SRBD1: variants seen among roughly 807,000 people sequenced by gnomAD.
SRBD1 encodes S1 RNA-binding domain-containing protein 1.
A neutral mutation model predicts 115.3 loss-of-function variants in SRBD1; 88 were observed. The ratio of observed to expected loss-of-function variants is 0.76; its 90% CI spans 0.64 to 0.91. The LOEUF is 0.91. Among genes scored for constraint, SRBD1 ranks in the 40% least tolerant of loss-of-function variants. The probability of loss-of-function intolerance (pLI) is 0.00; values close to 1 mark genes in which losing one functional copy is unlikely to be tolerated. For missense variants in SRBD1, 1,385 were observed against 1,177.4 expected, an observed-to-expected ratio of 1.18 and a Z score of -2.58; for synonymous variants, 509 against 407.7, an observed-to-expected ratio of 1.25 and a Z score of -2.99.
At chr2:45,531,733 C>A (rs1671618075) in intron 14 of SRBD1, among the ~76,000 whole-genome samples, 1 of 151,786 alleles carries the variant, frequency 6.6e-6, no homozygotes, top group South Asian at 2.1e-4. Context: ...CAGACAACAG[C>A]CTCTAAAACA....
intron 14 of SRBD1, among the ~76,000 whole-genome samples, chr2:45,540,186 C>CA (rs1282770722): frequency 1.3e-5 from 2 of 151,672 alleles, no homozygotes; most frequent in Non-Finnish European, 2.9e-5. Context: ...ACTAAAAATA[C>CA]AAAAATTAGC....
intron 12 of SRBD1, among the ~76,000 whole-genome samples, chr2:45,548,165 G>C (rs2104039013): frequency 6.6e-6 from 1 of 151,702 alleles, no homozygotes; most frequent in South Asian, 2.1e-4. Context: ...ACTGAGCTAA[G>C]AGACTAACTT....
At chr2:45,584,692 A>G (rs1396919491) in intron 5 of SRBD1, among the ~76,000 whole-genome samples, 1 of 152,244 alleles carries the variant, frequency 6.6e-6, no homozygotes, top group Non-Finnish European at 1.5e-5. Context: ...AAGTGTTTTA[A>G]TAAACCCTAT....
intron 9 of SRBD1, among the ~76,000 whole-genome samples, chr2:45,568,592 C>A (rs1387999995): frequency 6.6e-6 from 1 of 152,278 alleles, no homozygotes; most frequent in East Asian, 1.9e-4. Context: ...CACCCAGAAG[C>A]CTGTGTCAAT....
At chr2:45,421,506 CAAA>C (rs1668001144) in intron 16 of SRBD1, among the ~76,000 whole-genome samples, 1 of 48,068 alleles carries the variant, frequency 2.1e-5, no homozygotes, top group Non-Finnish European at 3.7e-5. Context: ...GACTCCGTCT[CAAA>C]CAAAAAAAAA....
chr2:45,456,583 G>A (rs533568382), intron 16 of SRBD1, among the ~76,000 whole-genome samples: 35 of 152,006 alleles, frequency 2.3e-4, no homozygotes, highest in Admixed American at 1.6e-3. Context: ...TGTAAAGTTT[G>A]AGTATAATTT....
chr2:45,605,769 T>C (rs1317320928), intron 1 of SRBD1, among the ~76,000 whole-genome samples: 3 of 151,934 alleles, frequency 2.0e-5, no homozygotes, highest in Non-Finnish European at 4.4e-5. Flanking sequence ...CCAGGTGTGG[T>C]CGTGGGCACC....
At chr2:45,435,560 GA>G (rs1260597545) in intron 16 of SRBD1, among the ~76,000 whole-genome samples, 90 of 75,044 alleles carry the variant, frequency 1.2e-3, no homozygotes, top group East Asian at 2.4e-3. Context: ...AAGGCCAGGG[GA>G]AAAAAAAAAA....
At chr2:45,426,218 T>A (rs1668150377) in intron 16 of SRBD1, among the ~76,000 whole-genome samples, 1 of 152,134 alleles carries the variant, frequency 6.6e-6, no homozygotes, top group Middle Eastern at 3.2e-3. Context: ...CTTCACAGTG[T>A]AAATAAAGCT....
chr2:45,463,163 T>C (rs1249668452), intron 16 of SRBD1, among the ~76,000 whole-genome samples: 1 of 152,144 alleles, frequency 6.6e-6, no homozygotes, highest in Non-Finnish European at 1.5e-5. Context: ...CGGAGAACTT[T>C]GCCATGAGTG....
At chr2:45,533,829 G>A (rs188172916) in intron 14 of SRBD1, among the ~76,000 whole-genome samples, 1 of 152,020 alleles carries the variant, frequency 6.6e-6, no homozygotes, top group Non-Finnish European at 1.5e-5. Context: ...CAGGACATCT[G>A]TTTTGGTTAT....
chr2:45,422,121 C>G lies in SRBD1; in HGVS notation c.2050-2227G>C, dbSNP rs375626679. ...AAAATATCTGAGGAACACAAAACTA[C>G]AAACAAACCGGAAAAAGGAAGAATA... On this transcript the variant is annotated intron_variant, in intron 16 of 20. Coordinates refer to ENST00000263736, the MANE Select transcript of SRBD1 (RefSeq NM_018079.5). 2.6e-5 allele frequency among the ~76,000 whole-genome samples: 4 copies of G among 152,110 alleles called. No individual in the cohort carries two copies. In the East Asian group the frequency reaches 7.7e-4, roughly 29 times the overall value.
chr2:45,538,283 A>G (rs1671828132), intron 14 of SRBD1, among the ~76,000 whole-genome samples: 1 of 152,200 alleles, frequency 6.6e-6, no homozygotes, highest in Non-Finnish European at 1.5e-5. Flanking sequence ...TTACCCCAGA[A>G]TGCAACTGGT....
chr2:45,599,781 C>G lies in SRBD1; in HGVS notation c.316G>C (p.Asp106His). The change falls in exon 4 of 21, where the codon GAT becomes CAT. Residue 106 changes from aspartate to histidine, a missense_variant. Physicochemically the swap from Asp to His is moderately conservative, Grantham distance 81 (BLOSUM62 -1). Transcript: ENST00000263736. ...TALEDRKNKL[D>H]TVQTLKTAKT... Reference sequence around the variant, plus strand: ...GCTGTTTTCAGAGTCTGTACAGTATCCAATTTATTTTTTCTGTCTTCTAAA... The same window carrying G: ...GCTGTTTTCAGAGTCTGTACAGTATGCAATTTATTTTTTCTGTCTTCTAAA... The G allele has an allele frequency of 6.2e-7, 1 of 1,613,954 alleles. No homozygotes were observed. Among genetic ancestry groups the G allele is most frequent in the Non-Finnish European group, 8.5e-7 (1 of 1,180,022 alleles).
chr2:45,509,101 T>C (rs1344950972), intron 14 of SRBD1, among the ~76,000 whole-genome samples: 1 of 152,134 alleles, frequency 6.6e-6, no homozygotes, highest in African/African-American at 2.4e-5. Context: ...AAACTAATAA[T>C]GGCTTGTTCT....
At chr2:45,428,004 T>C (rs188414974) in intron 16 of SRBD1, among the ~76,000 whole-genome samples, 10 of 152,256 alleles carry the variant, frequency 6.6e-5, no homozygotes, top group South Asian at 4.1e-4. Flanking sequence ...GCAGACCTAA[T>C]AGACATCTAC....
At chr2:45,604,657 C>T (rs2104262055) in intron 2 of SRBD1, among the ~76,000 whole-genome samples, 1 of 152,290 alleles carries the variant, frequency 6.6e-6, no homozygotes, top group East Asian at 1.9e-4. Context: ...CACCCATCCC[C>T]AAGATCTTTG....
chr2:45,406,425 T>C (rs1242447431), intron 19 of SRBD1, among the ~76,000 whole-genome samples: 1 of 152,154 alleles, frequency 6.6e-6, no homozygotes, highest in Non-Finnish European at 1.5e-5. Flanking sequence ...GAAAATCTAT[T>C]TGTGGCAACA....
At chr2:45,430,235 A>G (rs1003530643) in intron 16 of SRBD1, among the ~76,000 whole-genome samples, 3 of 152,210 alleles carry the variant, frequency 2.0e-5, no homozygotes, top group Non-Finnish European at 2.9e-5. Context: ...TATAGATTCA[A>G]TGCTATCCCC....
Sources: gnomAD v4.1 joint callset for allele counts (sites outside exome capture counted in the v4.1 genomes callset) on GRCh38, gnomAD v4.1.1 for gene constraint, MANE v1.5 for transcripts, NCBI Gene and HGNC (gene_info 2026-07-23, HGNC 2026-07-21) for gene names.